The following FILIP1 variants were observed in gnomAD, a reference collection of about 807,000 sequenced individuals.
The protein encoded by FILIP1 is filamin-A-interacting protein 1.
In FILIP1, 61 loss-of-function variants were observed where a neutral mutation model predicts 102.1. That is an observed-to-expected ratio of 0.60 (90% CI 0.49 to 0.74). The LOEUF (loss-of-function observed/expected upper bound fraction) is 0.74, where lower values mean the gene tolerates loss of function less well. Among genes scored for constraint, FILIP1 ranks in the 30% least tolerant of loss-of-function variants. The pLI is 0.00. For missense variants in FILIP1, 1,314 were observed against 1,441.2 expected (o/e 0.91, Z 1.43); for synonymous variants, 491 against 526.9 (o/e 0.93, Z 0.93).
intron 6 of FILIP1, chr6:75,296,563 G>C (rs934188777): frequency 6.7e-6 from 1 of 149,270 alleles, no homozygotes; most frequent in Non-Finnish European, 1.5e-5. Flanking sequence ...GGAGTGACGC[G>C]ATCTCGGCTC....
chr6:75,291,992 G>A (rs961110086), exon 7 of FILIP1: 2 of 152,188 alleles, frequency 1.3e-5, no homozygotes, highest in Non-Finnish European at 2.9e-5. Context: ...GGAAGTAACA[G>A]AGAATGTTTT....
chr6:75,377,755 T>C (rs972876527), intron 2 of FILIP1, among the ~76,000 whole-genome samples: 15 of 152,238 alleles, frequency 9.9e-5, no homozygotes, highest in Non-Finnish European at 2.2e-4. Flanking sequence ...GCTTCTTCTT[T>C]TCAAAGCAAA....
intron 2 of FILIP1, among the ~76,000 whole-genome samples, chr6:75,375,260 C>G (rs187558816): frequency 3.0e-4 from 46 of 152,296 alleles, no homozygotes; most frequent in Non-Finnish European, 5.7e-4. Context: ...CAGCAGTAAG[C>G]GGGGAAGGTG....
chr6:75,490,920 G>C (rs1208818087), intron 1 of FILIP1, among the ~76,000 whole-genome samples: 1 of 151,890 alleles, frequency 6.6e-6, no homozygotes, highest in Admixed American at 6.6e-5. Context: ...CAGATATCTA[G>C]AGCCACAAAT....
chr6:75,328,636 G>C (rs1174582221), intron 4 of FILIP1, among the ~76,000 whole-genome samples: 3 of 152,128 alleles, frequency 2.0e-5, no homozygotes, highest in Middle Eastern at 3.4e-3. Context: ...TTACAGGCAT[G>C]CACCACCACG....
intron 1 of FILIP1, among the ~76,000 whole-genome samples, chr6:75,475,670 A>G (rs539958455): frequency 4.3e-4 from 66 of 152,298 alleles, no homozygotes; most frequent in Non-Finnish European, 8.1e-4. Context: ...ATTAGGAAAA[A>G]AATTATTTTA....
rs149745370 is a variant in FILIP1 at position 75,358,792 on chromosome 6, G to A, written c.450+3952C>T. 7.6e-3 allele frequency among the ~76,000 whole-genome samples: 1,151 copies of A among 151,660 alleles called. 9 individuals are homozygous for A. The highest frequency in any genetic ancestry group is 0.02 in the Middle Eastern group (6 of 294). Reference sequence around the variant, plus strand: ...GGCTGGAGTGCAGTGGCACGATCTCGGCTCACTGCAACCTTTGCCTCCCAG... The same window carrying A: ...GGCTGGAGTGCAGTGGCACGATCTCAGCTCACTGCAACCTTTGCCTCCCAG... On this transcript the variant is annotated intron_variant, in intron 3 of 5. Coordinates refer to ENST00000237172, the MANE Select transcript of FILIP1 (RefSeq NM_015687.5).
Position 75,314,104 on chromosome 6 carries a change from T to C in FILIP1, c.1728A>G (p.Ile576Met). Residue 576 changes from isoleucine to methionine, a missense_variant, in exon 5 of 6, where the codon ATA becomes ATG. Ile to Met is a conservative substitution (Grantham distance 10). Transcript: ENST00000237172. ...TTTCTTCTTCACTTTTCAATTTGCCTATCAACTCATCTCTTTCTCTTGTCA... is the reference window on the plus strand; with the variant it reads ...TTTCTTCTTCACTTTTCAATTTGCCCATCAACTCATCTCTTTCTCTTGTCA... ...YNLTRERDEL[I>M]GKLKSEEEKS... The C allele has an allele frequency of 6.6e-7, 1 of 1,509,036 alleles. No individual in the cohort carries two copies. The highest frequency in any genetic ancestry group is 2.5e-5 in the Admixed American group (1 of 39,488). 93.5% of individuals were successfully genotyped at this position (1,509,036 alleles called of 1,614,324 possible).
chr6:75,316,914 A>G (rs1399187674), intron 4 of FILIP1, among the ~76,000 whole-genome samples: 1 of 152,216 alleles, frequency 6.6e-6, no homozygotes, highest in Non-Finnish European at 1.5e-5. Flanking sequence ...ACTTTTCAGG[A>G]TATTTTCAAC....
At chr6:75,333,928 T>A (rs1774157655) in intron 4 of FILIP1, among the ~76,000 whole-genome samples, 2 of 152,136 alleles carry the variant, frequency 1.3e-5, no homozygotes, top group Admixed American at 6.6e-5. Context: ...TTTACTTTAT[T>A]ATTCTTGTTA....
chr6:75,428,557 A>G lies in FILIP1; in HGVS notation c.-6-13579T>C, dbSNP rs552404843. The G allele has an allele frequency of 1.0e-3, 162 of 154,466 alleles. 2 individuals are homozygous for G. Among genetic ancestry groups the G allele is most frequent in the African/African-American group, 3.8e-3 (158 of 41,646 alleles). The allele number at this position is 154,466 out of a possible 1,614,324, so 9.6% of individuals were successfully genotyped here. On this transcript the variant is annotated intron_variant, in intron 1 of 5. Transcript: ENST00000237172. The stretch of plus-strand genomic sequence containing the variant: ...AAAAAATGCTCTAGGACAAAGTAGG[A>G]CTAAGTCCAGAAAATTGCAAAGAAG...
intron 1 of FILIP1, among the ~76,000 whole-genome samples, chr6:75,456,062 T>A (rs1176254928): frequency 1.3e-5 from 2 of 152,276 alleles, no homozygotes; most frequent in East Asian, 1.9e-4. Flanking sequence ...TCACACATCC[T>A]CCTAGGCCCT....
At chr6:75,303,800 T>C (rs762734148), downstream of FILIP1, among the ~76,000 whole-genome samples, 4 of 151,036 alleles carry the variant, frequency 2.6e-5, no homozygotes, top group Non-Finnish European at 4.4e-5. Context: ...GATAGATAGA[T>C]AGATAAAGAC....
At chr6:75,457,293 TC>T (rs1218977144) in intron 1 of FILIP1, among the ~76,000 whole-genome samples, 11 of 152,176 alleles carry the variant, frequency 7.2e-5, no homozygotes, top group South Asian at 4.1e-4. Context: ...TACCTAAAGC[TC>T]TGTTTCATTT....
At chr6:75,397,553 C>G (rs1244154426) in intron 2 of FILIP1, among the ~76,000 whole-genome samples, 2 of 78,274 alleles carry the variant, frequency 2.6e-5, no homozygotes, top group Non-Finnish European at 4.6e-5. Flanking sequence ...CACACACACA[C>G]ACACACACAC....
At chr6:75,463,394 A>C (rs922341133) in intron 1 of FILIP1, among the ~76,000 whole-genome samples, 1 of 152,222 alleles carries the variant, frequency 6.6e-6, no homozygotes. Context: ...AGTGGCGGTA[A>C]AACTAAAGAG....
chr6:75,292,897 G>C (rs1772578186), exon 7 of FILIP1: 1 of 152,122 alleles, frequency 6.6e-6, no homozygotes, highest in Non-Finnish European at 1.5e-5. Flanking sequence ...ATTTGTAGTA[G>C]CTGTGTATTA....
intron 2 of FILIP1, among the ~76,000 whole-genome samples, chr6:75,373,091 T>C (rs912542757): frequency 2.0e-5 from 3 of 152,202 alleles, no homozygotes; most frequent in Non-Finnish European, 2.9e-5. Flanking sequence ...CAATGGAATA[T>C]TATTCAGCCT....
In FILIP1 at chr6:75,313,014, T is replaced by C. The variant is rs915662917; in HGVS notation, c.2818A>G (p.Thr940Ala). 1.2e-6 allele frequency: 2 copies of C among 1,614,024 alleles called. No homozygotes were observed. Among genetic ancestry groups the C allele is most frequent in the African/African-American group, 1.3e-5 (1 of 74,888 alleles). Residue 940 changes from threonine to alanine, a missense_variant, in exon 5 of 6, where the codon ACT (threonine) becomes GCT (alanine). This residue lies in a region of FILIP1 where 816 missense variants were observed against 913.1 expected (regional missense o/e 0.89). Transcript: ENST00000237172. The surrounding 1 kb of genome is among the most constrained non-coding windows in gnomAD (Gnocchi z 4.2). ...TGATTCCCTAAGGTAGGAATGACAG[T>C]GGTACTAGAAAAAAATTCTTCAGAT... ...PTSEEFFSST[T>A]VIPTLGNQKP...
Sources: gnomAD v4.1 joint callset for allele counts (sites outside exome capture counted in the v4.1 genomes callset) on GRCh38, gnomAD v4.1.1 for gene constraint, gnomAD v4.1.1 regional missense constraint, Gnocchi (gnomAD v3.1) non-coding constraint, MANE v1.5 for transcripts, NCBI Gene and HGNC (gene_info 2026-07-23, HGNC 2026-07-21) for gene names.